The following SCFD2 variants were observed in gnomAD, a reference collection of about 807,000 sequenced individuals.
SCFD2 encodes sec1 family domain containing 2.
In SCFD2, 54 loss-of-function variants were observed where a neutral mutation model predicts 58.9. The observed-to-expected ratio is 0.92, with a 90% CI of 0.74 to 1.15. SCFD2 has a LOEUF of 1.15. SCFD2 is among the 50% of genes most tolerant of loss of function. SCFD2 has a pLI of 0.00. For missense variants in SCFD2, 805 were observed against 836.6 expected (o/e 0.96, Z 0.47); for synonymous variants, 321 against 335.9 (o/e 0.96, Z 0.49).
intron 5 of SCFD2, among the ~76,000 whole-genome samples, chr4:52,935,411 C>T (rs1425041117): frequency 6.6e-6 from 1 of 152,176 alleles, no homozygotes; most frequent in African/African-American, 2.4e-5. Flanking sequence ...ATGTTGGCTC[C>T]TGATCAACAC....
intron 5 of SCFD2, among the ~76,000 whole-genome samples, chr4:53,134,887 C>T (rs868319436): frequency 6.6e-6 from 1 of 152,258 alleles, no homozygotes; most frequent in South Asian, 2.1e-4. Context: ...GCTTTAGTTT[C>T]CAGAGATGTC....
intron 1 of SCFD2, among the ~76,000 whole-genome samples, chr4:53,354,024 G>A (rs1334988542): frequency 6.6e-6 from 1 of 152,256 alleles, no homozygotes; most frequent in East Asian, 1.9e-4. Flanking sequence ...GCTTCGCCTA[G>A]TGGATCACGC....
chr4:52,936,710 C>T (rs931150706), intron 5 of SCFD2, among the ~76,000 whole-genome samples: 1 of 152,168 alleles, frequency 6.6e-6, no homozygotes, highest in African/African-American at 2.4e-5. Context: ...AAGCCAACTC[C>T]AGAGCACTCT....
intron 4 of SCFD2, among the ~76,000 whole-genome samples, chr4:53,239,673 C>T (rs530905798): frequency 5.3e-5 from 8 of 152,098 alleles, no homozygotes; most frequent in South Asian, 4.2e-4. Context: ...TTAGTAGAGA[C>T]GGGTTTTTCC....
chr4:53,044,762 G>A (rs1485173279), intron 5 of SCFD2, among the ~76,000 whole-genome samples: 1 of 151,730 alleles, frequency 6.6e-6, no homozygotes, highest in Admixed American at 6.6e-5. Context: ...TGGCAGTGTA[G>A]GAAGCAGACA....
chr4:53,238,859 C>G (rs1402657207), intron 4 of SCFD2, among the ~76,000 whole-genome samples: 3 of 148,446 alleles, frequency 2.0e-5, no homozygotes, highest in Non-Finnish European at 3.0e-5. Flanking sequence ...CGGGCGGAGA[C>G]GCTCCTCACT....
At chr4:53,229,785 C>T (rs910180689) in intron 4 of SCFD2, among the ~76,000 whole-genome samples, 1 of 152,162 alleles carries the variant, frequency 6.6e-6, no homozygotes, top group African/African-American at 2.4e-5. Flanking sequence ...TCTCATTAAA[C>T]TAAAGAGCTT....
chr4:53,074,246 G>T (rs1214883996), intron 5 of SCFD2, among the ~76,000 whole-genome samples: 1 of 152,140 alleles, frequency 6.6e-6, no homozygotes, highest in Non-Finnish European at 1.5e-5. Context: ...CTCCTTATTT[G>T]TTCAAGTTTT....
At chr4:53,291,016 CA>C (rs2149086198) in intron 3 of SCFD2, among the ~76,000 whole-genome samples, 1 of 152,106 alleles carries the variant, frequency 6.6e-6, no homozygotes, top group East Asian at 1.9e-4. Flanking sequence ...TTCTACAAGT[CA>C]AGGAAGAATT....
chr4:53,234,798 T>C (rs7688646), intron 4 of SCFD2, among the ~76,000 whole-genome samples: 19,882 of 152,198 alleles, frequency 0.13, 1,439 homozygotes, highest in East Asian at 0.24. Context: ...ACTCCTGTGA[T>C]GAATATTGCA....
chr4:52,942,598 T>C (rs527375295), intron 5 of SCFD2, among the ~76,000 whole-genome samples: 1 of 152,214 alleles, frequency 6.6e-6, no homozygotes, highest in South Asian at 2.1e-4. Context: ...ACCTCCTTCA[T>C]AGGGTTGTTG....
Position 53,210,298 on chromosome 4 carries a change from G to A in SCFD2, c.1311+63528C>T, listed in dbSNP as rs532583458. ...TCAGAAGGGCTTAACACAGGAGTGT[G>A]GCTGGAAAGATTTGTGTAGGCCAAT... On this transcript the variant is annotated intron_variant, in intron 4 of 8. Transcript: ENST00000401642. Among the ~76,000 whole-genome samples, 27 of 152,194 alleles carry A rather than the reference G, an allele frequency of 1.8e-4. No homozygotes were observed. In the South Asian group the frequency reaches 3.7e-3, roughly 21 times the overall value.
intron 5 of SCFD2, among the ~76,000 whole-genome samples, chr4:52,988,617 A>G (rs1721551393): frequency 6.6e-6 from 1 of 152,158 alleles, no homozygotes; most frequent in African/African-American, 2.4e-5. Context: ...TCGTTACCTC[A>G]ACCATCAGGT....
At chr4:53,307,938 T>A (rs1732566894) in intron 3 of SCFD2, among the ~76,000 whole-genome samples, 1 of 152,196 alleles carries the variant, frequency 6.6e-6, no homozygotes, top group African/African-American at 2.4e-5. Flanking sequence ...TCTTACCCTC[T>A]AGCCTTGAGG....
intron 8 of SCFD2, among the ~76,000 whole-genome samples, chr4:52,881,876 CTGTT>C (rs779364808): frequency 1.3e-5 from 2 of 152,080 alleles, no homozygotes; most frequent in Non-Finnish European, 2.9e-5. Context: ...GTGGCAGACT[CTGTT>C]TGTGGTGCTG....
intron 4 of SCFD2, among the ~76,000 whole-genome samples, chr4:53,177,965 G>A (rs543137316): frequency 1.7e-4 from 26 of 152,306 alleles, no homozygotes; most frequent in East Asian, 1.5e-3. Flanking sequence ...AGGGGCGCCC[G>A]CCATTTTCGG....
chr4:52,924,456 C>T (rs1052314814), intron 5 of SCFD2, among the ~76,000 whole-genome samples: 5 of 152,078 alleles, frequency 3.3e-5, no homozygotes, highest in African/African-American at 1.2e-4. Flanking sequence ...AATGCAAAGT[C>T]CTAAATTCAC....
intron 4 of SCFD2, among the ~76,000 whole-genome samples, chr4:53,180,244 A>T (rs1274957631): frequency 3.3e-5 from 5 of 152,168 alleles, no homozygotes; most frequent in Non-Finnish European, 7.4e-5. Context: ...TGACCACATA[A>T]TTGGAAGTAA....
chr4:52,910,234 G>A (rs908701500), intron 6 of SCFD2, among the ~76,000 whole-genome samples: 1 of 152,220 alleles, frequency 6.6e-6, no homozygotes, highest in Non-Finnish European at 1.5e-5. Context: ...TTTTAAAATG[G>A]AAGGATATGC....
Sources: gnomAD v4.1 joint callset for allele counts (sites outside exome capture counted in the v4.1 genomes callset) on GRCh38, gnomAD v4.1.1 for gene constraint, MANE v1.5 for transcripts, NCBI Gene and HGNC (gene_info 2026-07-23, HGNC 2026-07-21) for gene names.